The following TASOR variants were observed in gnomAD, a reference collection of about 807,000 sequenced individuals.
TASOR encodes transcription activation suppressor.
In TASOR, 53 loss-of-function variants were observed where a neutral mutation model predicts 178.6. The observed-to-expected ratio is 0.30, with a 90% CI of 0.24 to 0.37. The LOEUF is 0.37. Ranked by LOEUF, TASOR falls within the 10% of genes least tolerant of loss-of-function variation. The pLI is 1.00. For missense variants in TASOR, 1,815 were observed against 1,971.4 expected (o/e 0.92, Z 1.50); for synonymous variants, 713 against 696.2 (o/e 1.02, Z -0.38).
chr3:56,661,687 CTA>C (rs1315667035), intron 9 of TASOR, among the ~76,000 whole-genome samples: 1 of 152,088 alleles, frequency 6.6e-6, no homozygotes, highest in Non-Finnish European at 1.5e-5. Context: ...TAAAAACAGC[CTA>C]TATATTTTAA....
chr3:56,662,004 CCT>C (rs1312631027), intron 9 of TASOR, among the ~76,000 whole-genome samples: 1 of 151,760 alleles, frequency 6.6e-6, no homozygotes, highest in Admixed American at 6.6e-5. Context: ...GTGGCAGGAC[CCT>C]GTAATCCCAG....
chr3:56,629,879 T>C (rs138178735), intron 18 of TASOR, among the ~76,000 whole-genome samples: 2 of 152,284 alleles, frequency 1.3e-5, no homozygotes, highest in Non-Finnish European at 2.9e-5. Flanking sequence ...ACACTGATTT[T>C]GATCCAATCT....
rs2076714723 is a variant in TASOR at position 56,622,719 on chromosome 3, G to A, written c.*318C>T. 5.6e-6 allele frequency: 1 copy of A among 177,566 alleles called. No individual in the cohort carries two copies. The allele number at this position is 177,566 out of a possible 1,614,324, so 11.0% of individuals were successfully genotyped here. A position where few individuals can be genotyped will look rare whatever the true frequency, so the allele number is the denominator to read the frequency against. On this transcript the variant is annotated 3_prime_UTR_variant, in exon 24 of 24. Coordinates refer to ENST00000683822, the MANE Select transcript of TASOR (RefSeq NM_001365635.2). ...ATCAGGTGACATTAGAGAAAAAGAA[G>A]TAAAGCCTTTGCTGTTTACCGTCCT...
At position 56,668,533 on chromosome 3, in the gene TASOR, G is replaced by T. The variant is rs904865063; in HGVS notation, c.761C>A (p.Pro254His). The change falls in exon 6 of 24, where the codon CCC becomes CAC. Residue 254 changes from proline (P) to histidine (H), a missense_variant. By Grantham distance (77) the Pro-to-His change is moderately conservative. Around this residue, in one of 5 missense-constraint regions of TASOR, gnomAD observed 504 missense variants for 645.3 expected, o/e 0.78. Transcript: ENST00000683822. ...MKGKIKSIYDPMGVKSLESML... is the reference protein window; with the variant it reads ...MKGKIKSIYDHMGVKSLESML... ...AGATTCCAAACTTTTTACACCCATGGGGTCATATATACTCTTTATTTTACC... is the reference window on the plus strand; with the variant it reads ...AGATTCCAAACTTTTTACACCCATGTGGTCATATATACTCTTTATTTTACC... 1.0e-5 allele frequency: 16 copies of T among 1,551,038 alleles called. No homozygotes were observed. The African/African-American group carries it at 2.1e-4, about 20-fold the overall frequency.
intron 23 of TASOR, chr3:56,623,856 G>T: frequency 6.5e-7 from 1 of 1,543,862 alleles, no homozygotes; most frequent in South Asian, 1.2e-5. Context: ...AAAGTTATAC[G>T]GTAATTCAGT....
At chr3:56,656,166 G>A (rs2077463824) in intron 11 of TASOR, among the ~76,000 whole-genome samples, 1 of 152,030 alleles carries the variant, frequency 6.6e-6, no homozygotes, top group South Asian at 2.1e-4. Context: ...ATTCTATATA[G>A]AAACCCCCAA....
chr3:56,626,298 C>G lies in TASOR; in HGVS notation c.4139+739G>C, dbSNP rs548587579. Among the ~76,000 whole-genome samples the G allele has an allele frequency of 2.0e-3, 302 of 152,300 alleles. 12 individuals carry two copies. The South Asian group carries it at 0.058, about 29-fold the overall frequency. Reference sequence around the variant, plus strand: ...GACTTCCATGCATTTTAGAAATTATCTATGTATACATGAATTGATGTCCTA... The same window carrying G: ...GACTTCCATGCATTTTAGAAATTATGTATGTATACATGAATTGATGTCCTA... On this transcript the variant is annotated intron_variant, in intron 21 of 23. Transcript: ENST00000683822.
chr3:56,666,147 G>C, intron 7 of TASOR, 113 bp downstream of exon 7: 1 of 794,784 alleles, frequency 1.3e-6, no homozygotes, highest in Non-Finnish European at 1.7e-6. Flanking sequence ...AACTTCAAGG[G>C]AAGTTAAAAA....
intron 11 of TASOR, among the ~76,000 whole-genome samples, chr3:56,655,609 A>G (rs2077453234): frequency 6.6e-6 from 1 of 152,102 alleles, no homozygotes; most frequent in Non-Finnish European, 1.5e-5. Flanking sequence ...CTCTATTAAA[A>G]ATTTTAAAAA....
At chr3:56,679,912 A>C (rs1408885668) in intron 1 of TASOR, among the ~76,000 whole-genome samples, 1 of 152,202 alleles carries the variant, frequency 6.6e-6, no homozygotes, top group Non-Finnish European at 1.5e-5. Context: ...AAACAGTAAA[A>C]TGTATACCTT....
At position 56,683,223 on chromosome 3, in the gene TASOR, T is replaced by G. The variant is rs1192241856; in HGVS notation, c.-217A>C. ...CCCGGTCCTCGGAGCCGCTCCTCCCTCGGGCAGTTCTTCTGCCTTCCCCCG... is the reference window on the plus strand; with the variant it reads ...CCCGGTCCTCGGAGCCGCTCCTCCCGCGGGCAGTTCTTCTGCCTTCCCCCG... On this transcript the variant is annotated 5_prime_UTR_variant, in exon 1 of 24. Coordinates refer to ENST00000683822, the MANE Select transcript of TASOR (RefSeq NM_001365635.2). The G allele has an allele frequency of 6.2e-6, 3 of 484,310 alleles. No homozygotes were observed. The highest frequency in any genetic ancestry group is 1.1e-5 in the Non-Finnish European group (3 of 278,276). 30.0% of individuals were successfully genotyped at this position (484,310 alleles called of 1,614,324 possible).
At chr3:56,626,059 G>A (rs1187693086) in intron 21 of TASOR, among the ~76,000 whole-genome samples, 3 of 152,170 alleles carry the variant, frequency 2.0e-5, no homozygotes, top group African/African-American at 4.8e-5. Context: ...ATGGAATGTC[G>A]TATTTTAAGA....
chr3:56,673,438 A>C, intron 2 of TASOR, 142 bp downstream of exon 2: 1 of 468,430 alleles, frequency 2.1e-6, no homozygotes, highest in South Asian at 5.1e-5. Flanking sequence ...GTCTCCAAAA[A>C]AAAAAAAAAA....
chr3:56,655,900 T>C (rs1038088054), intron 11 of TASOR, among the ~76,000 whole-genome samples: 2 of 152,236 alleles, frequency 1.3e-5, no homozygotes, highest in Admixed American at 6.5e-5. Context: ...CTTCTTATGA[T>C]GACGTGAGAT....
intron 3 of TASOR, among the ~76,000 whole-genome samples, chr3:56,670,787 A>T (rs2030603786): frequency 6.6e-6 from 1 of 150,898 alleles, no homozygotes; most frequent in South Asian, 2.1e-4. Context: ...AACGCAAAAA[A>T]ATTAGCCGGG....
At chr3:56,651,109 G>GT in intron 11 of TASOR, among the ~76,000 whole-genome samples, 1 of 152,174 alleles carries the variant, frequency 6.6e-6, no homozygotes, top group East Asian at 1.9e-4. Context: ...AATCCATGGA[G>GT]TACAAGCAAT....
chr3:56,657,049 G>A (rs1361455760), intron 11 of TASOR, among the ~76,000 whole-genome samples: 9 of 151,746 alleles, frequency 5.9e-5, no homozygotes, highest in African/African-American at 1.7e-4. Flanking sequence ...GGGCGAGATG[G>A]CCAGGCACGG....
intron 6 of TASOR, among the ~76,000 whole-genome samples, chr3:56,667,241 T>G (rs1021356055): frequency 6.6e-6 from 1 of 152,222 alleles, no homozygotes; most frequent in Non-Finnish European, 1.5e-5. Flanking sequence ...ACAATAGTTC[T>G]TAAAATTTTA....
Position 56,621,134 on chromosome 3 carries a change from G to C in TASOR, c.*1903C>G, listed in dbSNP as rs566805704. On this transcript the variant is annotated 3_prime_UTR_variant, in exon 24 of 24. Coordinates refer to ENST00000683822, the MANE Select transcript of TASOR (RefSeq NM_001365635.2). ...AGATTGCACCACTGTACTCCAGCTT[G>C]GGCGACAGAGCGAGACTCCATCTCC... 1 of 152,290 alleles carries C rather than the reference G, an allele frequency of 6.6e-6. No individual in the cohort carries two copies. The highest frequency in any genetic ancestry group is 1.9e-4 in the East Asian group (1 of 5,180). The allele number at this position is 152,290 out of a possible 1,614,324, so 9.4% of individuals were successfully genotyped here. A position where few individuals can be genotyped will look rare whatever the true frequency, so the allele number is the denominator to read the frequency against.
Sources: allele counts gnomAD v4.1 joint callset (sites outside exome capture counted in the v4.1 genomes callset), GRCh38; gene constraint gnomAD v4.1.1; regional missense constraint gnomAD v4.1.1; transcripts MANE v1.5; gene names NCBI Gene and HGNC (gene_info 2026-07-23, HGNC 2026-07-21).